SLC25A21: variants seen among roughly 807,000 people sequenced by gnomAD.
SLC25A21 encodes solute carrier family 25 member 21.
Under a neutral mutation model 43.8 loss-of-function variants are expected in SLC25A21, and 47 were observed. That is an observed-to-expected ratio of 1.07 (90% CI 0.85 to 1.37). SLC25A21 has a LOEUF of 1.37. Ranked by LOEUF, SLC25A21 falls within the 40% of genes most tolerant of loss-of-function variation. The pLI, the probability that SLC25A21 is intolerant of heterozygous loss-of-function variation, is 0.00. For missense variants in SLC25A21, 352 were observed against 350.2 expected, an observed-to-expected ratio of 1.00 and a Z score of -0.04; for synonymous variants, 131 against 121.3, an observed-to-expected ratio of 1.08 and a Z score of -0.52.
At chr14:37,096,442 T>C (rs984648087) in intron 1 of SLC25A21, among the ~76,000 whole-genome samples, 2 of 152,232 alleles carry the variant, frequency 1.3e-5, no homozygotes, top group African/African-American at 4.8e-5. Context: ...ATTATTTCTT[T>C]GAATAAACTG....
At chr14:36,789,654 G>C (rs895763147) in intron 3 of SLC25A21, among the ~76,000 whole-genome samples, 1 of 141,428 alleles carries the variant, frequency 7.1e-6, no homozygotes, top group Non-Finnish European at 1.5e-5. Flanking sequence ...TTTTCATCCT[G>C]CCTATATAAA....
intron 3 of SLC25A21, among the ~76,000 whole-genome samples, chr14:36,781,477 T>G (rs1405788640): frequency 9.2e-5 from 14 of 152,194 alleles, no homozygotes; most frequent in Admixed American, 9.2e-4. Context: ...TTTATCTTTC[T>G]CTTTTGTTTA....
intron 2 of SLC25A21, among the ~76,000 whole-genome samples, chr14:36,873,661 C>T (rs547109898): frequency 6.6e-6 from 1 of 152,022 alleles, no homozygotes; most frequent in South Asian, 2.1e-4. Flanking sequence ...TGTTTGTGAC[C>T]CTCCAGAATG....
intron 1 of SLC25A21, among the ~76,000 whole-genome samples, chr14:36,920,426 T>C (rs1489019246): frequency 6.6e-6 from 1 of 152,090 alleles, no homozygotes; most frequent in East Asian, 1.9e-4. Flanking sequence ...ATATTCTTAG[T>C]AATCAGGAGA....
intron 1 of SLC25A21, among the ~76,000 whole-genome samples, chr14:36,911,514 C>T (rs961800190): frequency 3.9e-5 from 6 of 152,090 alleles, no homozygotes; most frequent in South Asian, 2.1e-4. Flanking sequence ...GACAACAGGA[C>T]GTTAGTATGT....
chr14:37,091,111 T>G (rs1263835797), intron 1 of SLC25A21, among the ~76,000 whole-genome samples: 5 of 152,178 alleles, frequency 3.3e-5, no homozygotes, highest in African/African-American at 1.2e-4. Flanking sequence ...CACACAGATT[T>G]TCTCATAAGG....
chr14:37,106,215 A>G (rs752320243), intron 1 of SLC25A21, among the ~76,000 whole-genome samples: 4 of 152,178 alleles, frequency 2.6e-5, no homozygotes, highest in Non-Finnish European at 5.9e-5. Flanking sequence ...GAAGATAACC[A>G]TAAGGTCTGA....
intron 1 of SLC25A21, among the ~76,000 whole-genome samples, chr14:37,113,397 T>G (rs1354704033): frequency 6.6e-6 from 1 of 152,160 alleles, no homozygotes. Context: ...TACAGTAGAT[T>G]ACAAGATTGT....
At chr14:36,898,140 T>A (rs1472584284) in intron 1 of SLC25A21, among the ~76,000 whole-genome samples, 1 of 152,030 alleles carries the variant, frequency 6.6e-6, no homozygotes, top group Non-Finnish European at 1.5e-5. Context: ...AGGTGGAGTC[T>A]ACAGAGGCAG....
chr14:37,083,854 C>T (rs1962433575), intron 1 of SLC25A21, among the ~76,000 whole-genome samples: 2 of 152,184 alleles, frequency 1.3e-5, no homozygotes, highest in South Asian at 2.1e-4. Context: ...ACATACTACT[C>T]GGTCTCCCTA....
intron 1 of SLC25A21, among the ~76,000 whole-genome samples, chr14:37,108,752 G>C (rs1418213832): frequency 1.3e-5 from 2 of 150,784 alleles, no homozygotes; most frequent in African/African-American, 4.9e-5. Flanking sequence ...TGTGTGTGTT[G>C]TGTGCCTCAA....
intron 1 of SLC25A21, among the ~76,000 whole-genome samples, chr14:36,901,164 A>T (rs1891387878): frequency 6.6e-6 from 1 of 152,188 alleles, no homozygotes; most frequent in South Asian, 2.1e-4. Flanking sequence ...ACCGATAAGA[A>T]AGGAAACACA....
chr14:36,940,507 G>A (rs1476868205), intron 1 of SLC25A21, among the ~76,000 whole-genome samples: 2 of 152,018 alleles, frequency 1.3e-5, no homozygotes, highest in Non-Finnish European at 2.9e-5. Context: ...ACAGAAAAAA[G>A]TGATGTGTTG....
At chr14:36,708,952 T>C (rs1337474369) in intron 7 of SLC25A21, among the ~76,000 whole-genome samples, 1 of 151,964 alleles carries the variant, frequency 6.6e-6, no homozygotes, top group Non-Finnish European at 1.5e-5. Context: ...AGAATAAAGT[T>C]TGTGCTTGTG....
intron 3 of SLC25A21, among the ~76,000 whole-genome samples, chr14:36,735,641 C>T (rs940328372): frequency 6.6e-6 from 1 of 152,124 alleles, no homozygotes; most frequent in Non-Finnish European, 1.5e-5. Context: ...CCCAAACCAA[C>T]ACGGCGACCT....
chr14:36,941,498 A>G (rs954108056), intron 1 of SLC25A21, among the ~76,000 whole-genome samples: 1 of 152,058 alleles, frequency 6.6e-6, no homozygotes, highest in Non-Finnish European at 1.5e-5. Context: ...ATCTTGAATC[A>G]GATAAGTCTC....
chr14:36,953,403 T>G lies in SLC25A21; in HGVS notation c.71-78399A>C, dbSNP rs575942090. 2.7e-3 allele frequency among the ~76,000 whole-genome samples: 418 copies of G among 152,256 alleles called. 2 individuals are homozygous for G. The highest frequency in any genetic ancestry group is 9.6e-3 in the African/African-American group (398 of 41,542). On this transcript the variant is annotated intron_variant, in intron 1 of 9. Coordinates refer to ENST00000331299, the MANE Select transcript of SLC25A21 (RefSeq NM_030631.4). ...TCATACATCTCACTATATAGTCATA[T>G]AGATAGCATATATAGTCAGAAATAC...
intron 2 of SLC25A21, among the ~76,000 whole-genome samples, chr14:36,816,347 C>T (rs1460710468): frequency 2.6e-5 from 4 of 151,898 alleles, no homozygotes; most frequent in Non-Finnish European, 5.9e-5. Flanking sequence ...GCAGGGAGAA[C>T]AGTTAGGAAG....
chr14:37,164,673 C>A (rs1467536457), intron 1 of SLC25A21, among the ~76,000 whole-genome samples: 2 of 152,066 alleles, frequency 1.3e-5, no homozygotes, highest in African/African-American at 4.8e-5. Context: ...TGTATTTTAA[C>A]TATTAGAGTA....
Sources: gnomAD v4.1 joint callset for allele counts (sites outside exome capture counted in the v4.1 genomes callset) on GRCh38, gnomAD v4.1.1 for gene constraint, MANE v1.5 for transcripts, NCBI Gene and HGNC (gene_info 2026-07-23, HGNC 2026-07-21) for gene names.